The following SRRM1 variants were observed in gnomAD, a reference collection of about 807,000 sequenced individuals.
SRRM1 encodes the protein serine/arginine repetitive matrix protein 1.
SRRM1 carries 19 observed loss-of-function variants against 110.2 expected under a neutral mutation model. The ratio of observed to expected loss-of-function variants is 0.17; its 90% CI spans 0.12 to 0.25. The LOEUF (loss-of-function observed/expected upper bound fraction) is 0.25, where lower values mean the gene tolerates loss of function less well. SRRM1 is among the 10% of genes least tolerant of loss of function. SRRM1 has a pLI of 1.00. For missense variants in SRRM1, 918 were observed against 1,145.8 expected, an observed-to-expected ratio of 0.80 and a Z score of 2.87; for synonymous variants, 443 against 414.9, an observed-to-expected ratio of 1.07 and a Z score of -0.82.
chr1:24,660,156 G>A (rs1041919671), intron 9 of SRRM1, among the ~76,000 whole-genome samples: 3 of 152,170 alleles, frequency 2.0e-5, no homozygotes, highest in South Asian at 2.1e-4. Flanking sequence ...AAGCTTTCAT[G>A]TTGATGAAGT....
At position 24,662,670 on chromosome 1, in the gene SRRM1, C is replaced by G. The variant is rs1021661865; in HGVS notation, c.1494C>G (p.Ser498=). The G allele has an allele frequency of 1.2e-6, 2 of 1,613,572 alleles. No homozygotes were observed. The highest frequency in any genetic ancestry group is 2.7e-5 in the African/African-American group (2 of 74,866). The change falls in exon 12 of 17, where the codon TCC becomes TCG. Residue 498 remains serine (S), a synonymous_variant. Coordinates refer to ENST00000323848, the MANE Select transcript of SRRM1 (RefSeq NM_005839.4). ...QNQQSSSDSG[S]SSSSEDERPK... ...ATTTTGTAATTATAGACTCTGGCTC[C>G]TCCTCCTCCTCAGAAGATGAACGAC...
chr1:24,653,785 C>T (rs1036188945), intron 8 of SRRM1, among the ~76,000 whole-genome samples: 2 of 152,208 alleles, frequency 1.3e-5, no homozygotes, highest in African/African-American at 4.8e-5. Context: ...TACGTTTCAC[C>T]TGGCTTGGGA....
At position 24,660,713 on chromosome 1, in the gene SRRM1, T is replaced by C. The variant is rs967027862; in HGVS notation, c.1316-6T>C. On this transcript the variant is annotated splice_region_variant and splice_polypyrimidine_tract_variant and intron_variant, in intron 9 of 16. Coordinates refer to ENST00000323848, the MANE Select transcript of SRRM1 (RefSeq NM_005839.4). ...TAAGCTTTTTTCCACTCTTATTCTT[T>C]TTTAGTGACAAAACATAAAGGTACT... The C allele has an allele frequency of 1.9e-6, 3 of 1,539,828 alleles. No individual in the cohort carries two copies. The African/African-American group carries it at 4.2e-5, about 22-fold the overall frequency.
In SRRM1 at chr1:24,643,486, C is replaced by CT. The variant is rs1298027333; in HGVS notation, c.21+139_21+140insT. ...GATTCCTCCTAGAGCCGGCGCACCC[C>CT]CCCCCCCCCCGTGCGCTGCGGCGGA... On this transcript the variant is annotated intron_variant, in intron 1 of 16. Coordinates refer to ENST00000323848, the MANE Select transcript of SRRM1 (RefSeq NM_005839.4). 6.9e-4 allele frequency: 342 copies of CT among 496,428 alleles called. 11 individuals carry two copies. In the Admixed American group the frequency reaches 0.012, roughly 18 times the overall value. The allele number at this position is 496,428 out of a possible 1,614,324, so 30.8% of individuals were successfully genotyped here.
At chr1:24,653,633 T>C (rs1662338581) in intron 8 of SRRM1, among the ~76,000 whole-genome samples, 1 of 152,196 alleles carries the variant, frequency 6.6e-6, no homozygotes, top group Non-Finnish European at 1.5e-5. Flanking sequence ...GTACCAGTGT[T>C]CTTTTTTTTA....
chr1:24,669,973 A>C, intron 14 of SRRM1, 147 bp from the exon 15 acceptor site: 1 of 748,442 alleles, frequency 1.3e-6, no homozygotes, highest in Non-Finnish European at 2.2e-6. Flanking sequence ...TAGGTAATGT[A>C]AATTGGATAT....
rs1673190126 is a variant in SRRM1, at chr1:24,672,303, T to C, written c.*17T>C. On this transcript the variant is annotated 3_prime_UTR_variant, in exon 17 of 17. Transcript: ENST00000323848. ...CAGTCTTAGGGGGAAATGTTTGTTATGATGTAAATTTTATTTGGTTTGTAC... is the reference window on the plus strand; with the variant it reads ...CAGTCTTAGGGGGAAATGTTTGTTACGATGTAAATTTTATTTGGTTTGTAC... 6.5e-7 allele frequency: 1 copy of C among 1,549,728 alleles called. No individual in the cohort carries two copies. Among genetic ancestry groups the C allele is most frequent in the Non-Finnish European group, 8.8e-7 (1 of 1,136,584 alleles).
intron 3 of SRRM1, chr1:24,648,062 C>T (rs1275190307): frequency 1.3e-5 from 2 of 152,066 alleles, no homozygotes; most frequent in Non-Finnish European, 2.9e-5. Context: ...GGTTGAGTTG[C>T]AGTAGGGAGT....
chr1:24,660,258 C>T (rs897208041), intron 9 of SRRM1, among the ~76,000 whole-genome samples: 5 of 152,202 alleles, frequency 3.3e-5, no homozygotes, highest in African/African-American at 1.2e-4. Context: ...GTTTACTTTA[C>T]TGAGCTTGTT....
intron 9 of SRRM1, among the ~76,000 whole-genome samples, chr1:24,655,353 C>A (rs1446591472): frequency 1.3e-5 from 2 of 152,084 alleles, no homozygotes; most frequent in Admixed American, 6.5e-5. Context: ...TGTGGCATTG[C>A]GCAGGTGGAG....
intron 9 of SRRM1, among the ~76,000 whole-genome samples, chr1:24,660,232 C>T (rs980026945): frequency 3.9e-5 from 6 of 152,084 alleles, no homozygotes; most frequent in South Asian, 2.1e-4. Context: ...TTGTGGAGCT[C>T]GTGTAGCACA....
intron 7 of SRRM1, 126 bp from the exon 8 acceptor site, chr1:24,652,787 A>C: frequency 2.2e-6 from 3 of 1,376,926 alleles, no homozygotes; most frequent in Non-Finnish European, 1.9e-6. Context: ...TGTACCATAA[A>C]AATCTACATA....
At chr1:24,667,300 T>G (rs759667980) in intron 13 of SRRM1, among the ~76,000 whole-genome samples, 1 of 152,242 alleles carries the variant, frequency 6.6e-6, no homozygotes, top group African/African-American at 2.4e-5. Flanking sequence ...TTGTATACTT[T>G]AAATGGACCT....
Position 24,652,578 on chromosome 1 carries a change from C to CCGCTCT in SRRM1, c.872_877dup (p.Arg291_Ser292dup). On this transcript the variant is annotated inframe_insertion, in exon 7 of 17. Transcript: ENST00000323848. ...CCAAATCAAGATCCCGGACGCGGTCCCGCTCTCCTTCTCACACTCGACCTA... is the reference window on the plus strand; with the variant it reads ...CCAAATCAAGATCCCGGACGCGGTCCCGCTCTCGCTCTCCTTCTCACACTCGACCTA... 6.2e-7 allele frequency: 1 copy of CCGCTCT among 1,613,558 alleles called. No individual in the cohort carries two copies. Among genetic ancestry groups the CCGCTCT allele is most frequent in the South Asian group, 1.1e-5 (1 of 90,936 alleles).
chr1:24,653,620 A>G (rs145122589), intron 8 of SRRM1, among the ~76,000 whole-genome samples: 8 of 152,240 alleles, frequency 5.3e-5, no homozygotes, highest in African/African-American at 1.9e-4. Flanking sequence ...CAAAACCCCA[A>G]CTGTACCAGT....
intron 9 of SRRM1, among the ~76,000 whole-genome samples, chr1:24,659,244 A>T (rs1446285702): frequency 6.6e-6 from 1 of 152,056 alleles, no homozygotes; most frequent in African/African-American, 2.4e-5. Context: ...TTGAAAAGGC[A>T]TACTGGTAAA....
chr1:24,669,256 G>A lies in SRRM1; in HGVS notation c.1873G>A (p.Ala625Thr). ...ACCTCCTCCCCCTCCTAAACGAAGAGCATCACCATCTCCACCACCAAAGCG... is the reference window on the plus strand; with the variant it reads ...ACCTCCTCCCCCTCCTAAACGAAGAACATCACCATCTCCACCACCAAAGCG... ...ASPPPPPKRR[A>T]SPSPPPKRRV... The change falls in exon 14 of 17, where the codon GCA becomes ACA. Residue 625 changes from alanine (A) to threonine (T), a missense_variant. By Grantham distance (58) the Ala-to-Thr change is moderately conservative. Around this residue, in one of 5 missense-constraint regions of SRRM1, gnomAD observed 357 missense variants for 402.9 expected, o/e 0.89. Coordinates refer to ENST00000323848, the MANE Select transcript of SRRM1 (RefSeq NM_005839.4). 1 of 1,614,028 alleles carries A rather than the reference G, an allele frequency of 6.2e-7. No individual in the cohort carries two copies. Among genetic ancestry groups the A allele is most frequent in the East Asian group, 2.2e-5 (1 of 44,870 alleles).
intron 2 of SRRM1, 67 bp from the exon 3 acceptor site, chr1:24,646,600 A>G (rs1657796837): frequency 7.2e-7 from 1 of 1,395,572 alleles, no homozygotes; most frequent in African/African-American, 1.5e-5. Flanking sequence ...TGGTAGACAG[A>G]ACTCTAACTT....
Position 24,646,732 on chromosome 1 carries a change from C to T in SRRM1, c.177C>T (p.Ile59=). The T allele has an allele frequency of 6.2e-7, 1 of 1,608,406 alleles. No homozygotes were observed. The highest frequency in any genetic ancestry group is 8.5e-7 in the Non-Finnish European group (1 of 1,177,804). Residue 59 remains isoleucine (I), a synonymous_variant, in exon 3 of 17, where the codon ATC becomes ATT. Transcript: ENST00000323848. The part of the protein sequence containing the change: ...KPWITKRVTE[I]LGFEDDVVIE... Reference sequence around the variant, plus strand: ...GGATAACAAAAAGAGTAACGGAAATCCTTGGGTTTGAAGATGATGTTGTGA... The same window carrying T: ...GGATAACAAAAAGAGTAACGGAAATTCTTGGGTTTGAAGATGATGTTGTGA...
Sources: gnomAD v4.1 joint callset for allele counts (sites outside exome capture counted in the v4.1 genomes callset) on GRCh38, gnomAD v4.1.1 for gene constraint, gnomAD v4.1.1 regional missense constraint, MANE v1.5 for transcripts, NCBI Gene and HGNC (gene_info 2026-07-23, HGNC 2026-07-21) for gene names.